The following CUL2 variants were observed in gnomAD, a reference collection of about 807,000 sequenced individuals.
The protein encoded by CUL2 is cullin-2.
A neutral mutation model predicts 110.2 loss-of-function variants in CUL2; 22 were observed. The ratio of observed to expected loss-of-function variants is 0.20; its 90% CI spans 0.14 to 0.28. The LOEUF (loss-of-function observed/expected upper bound fraction) is 0.28, where lower values mean the gene tolerates loss of function less well. CUL2 is among the 10% of genes least tolerant of loss of function. The pLI is 1.00. For synonymous variants in CUL2, 279 were observed against 293.2 expected (o/e 0.95, Z 0.49); for missense variants, 631 against 905.5 (o/e 0.70, Z 3.89).
intron 4 of CUL2, among the ~76,000 whole-genome samples, chr10:35,058,742 C>T (rs563134478): frequency 6.6e-6 from 1 of 152,270 alleles, no homozygotes; most frequent in Non-Finnish European, 1.5e-5. Flanking sequence ...TCACTGCCAC[C>T]ACCCCTCATG....
rs2085472278 is a variant in CUL2 at position 35,031,201 on chromosome 10, T to C, written c.1386+99A>G. The C allele has an allele frequency of 4.1e-6, 3 of 730,428 alleles. No homozygotes were observed. In the East Asian group the frequency reaches 7.7e-5, roughly 19 times the overall value. The allele number at this position is 730,428 out of a possible 1,614,324, so 45.2% of individuals were successfully genotyped here. On this transcript the variant is annotated intron_variant, in intron 14 of 20. Coordinates refer to ENST00000374749, the MANE Select transcript of CUL2 (RefSeq NM_003591.4). This position sits in a 1 kb window ranked among gnomAD's most constrained non-coding sequence, Gnocchi z 4.4. ...CTACACAAATACACATTTAACCAGA[T>C]GAATTGTTTCCTGTTACTGTACACA...
intron 1 of CUL2, among the ~76,000 whole-genome samples, chr10:35,119,159 A>G (rs184812529): frequency 6.6e-6 from 1 of 152,372 alleles, no homozygotes. Context: ...CGAACAAATA[A>G]CATTCAAAGT....
chr10:35,053,301 C>T (rs556679196), intron 5 of CUL2, among the ~76,000 whole-genome samples: 5 of 152,134 alleles, frequency 3.3e-5, no homozygotes, highest in African/African-American at 1.2e-4. Context: ...TGATCTTTTT[C>T]TCTATATCAT....
chr10:35,025,082 T>C (rs1344454923), intron 17 of CUL2, 50 bp downstream of exon 17: 23 of 1,437,034 alleles, frequency 1.6e-5, no homozygotes, highest in Non-Finnish European at 2.1e-5. Context: ...TAAATTAATA[T>C]AATCATCAGG....
intron 2 of CUL2, among the ~76,000 whole-genome samples, chr10:35,097,650 T>C (rs1273442464): frequency 6.6e-6 from 1 of 152,046 alleles, no homozygotes; most frequent in Non-Finnish European, 1.5e-5. Context: ...AAGCCCAGTC[T>C]ATCATGAGAA....
At chr10:35,120,006 A>G (rs2087659075) in intron 1 of CUL2, 1 of 152,262 alleles carries the variant, frequency 6.6e-6, no homozygotes, top group Non-Finnish European at 1.5e-5. Flanking sequence ...CATGGCAAAA[A>G]AACGTTTGGC....
At position 35,038,483 on chromosome 10, in the gene CUL2, G is replaced by A. The variant is rs377489530; in HGVS notation, c.877+437C>T. On this transcript the variant is annotated intron_variant, in intron 9 of 20. Coordinates refer to ENST00000374749, the MANE Select transcript of CUL2 (RefSeq NM_003591.4). ...GGAGGTTGCAGCGAGCCAAGAGCACGCCGCTGCACTCCAGCCTGGGCGACA... is the reference window on the plus strand; with the variant it reads ...GGAGGTTGCAGCGAGCCAAGAGCACACCGCTGCACTCCAGCCTGGGCGACA... Among the ~76,000 whole-genome samples, 7 of 117,284 alleles carry A rather than the reference G, an allele frequency of 6.0e-5. No homozygotes were observed. In the East Asian group the frequency reaches 1.2e-3, roughly 19 times the overall value. 76.9% of individuals were successfully genotyped at this position (117,284 alleles called of 152,430 possible).
At chr10:35,111,240 C>T (rs1170366977) in intron 1 of CUL2, among the ~76,000 whole-genome samples, 1 of 151,890 alleles carries the variant, frequency 6.6e-6, no homozygotes, top group African/African-American at 2.4e-5. Flanking sequence ...AAGAATCACT[C>T]TTCTCTTATG....
chr10:35,099,147 C>A (rs961131813), intron 2 of CUL2, among the ~76,000 whole-genome samples: 1 of 151,904 alleles, frequency 6.6e-6, no homozygotes, highest in South Asian at 2.1e-4. Flanking sequence ...AATCCCAGCA[C>A]TTTGGGAGGC....
intron 5 of CUL2, among the ~76,000 whole-genome samples, chr10:35,051,157 T>C (rs2086094678): frequency 6.7e-6 from 1 of 149,922 alleles, no homozygotes; most frequent in Admixed American, 6.7e-5. Flanking sequence ...CTACTAAAAA[T>C]ACAAAAAATT....
chr10:35,066,682 CTAAT>C (rs1408458117), intron 2 of CUL2, among the ~76,000 whole-genome samples: 15 of 152,304 alleles, frequency 9.8e-5, no homozygotes, highest in African/African-American at 3.1e-4. Flanking sequence ...TAAAAAATGA[CTAAT>C]TAAATCGAAA....
chr10:35,072,720 T>G (rs1278416073), intron 1 of CUL2, among the ~76,000 whole-genome samples: 4 of 152,108 alleles, frequency 2.6e-5, no homozygotes, highest in African/African-American at 9.7e-5. Flanking sequence ...CAAACTGCAT[T>G]TAGGAATTAG....
At chr10:35,121,009 C>T (rs910087073) in intron 1 of CUL2, among the ~76,000 whole-genome samples, 2 of 152,046 alleles carry the variant, frequency 1.3e-5, no homozygotes, top group Non-Finnish European at 2.9e-5. Flanking sequence ...CCTTCATATC[C>T]CTTTCTAAGT....
chr10:35,021,539 T>A (rs1394586103), intron 17 of CUL2, among the ~76,000 whole-genome samples: 1 of 152,024 alleles, frequency 6.6e-6, no homozygotes, highest in African/African-American at 2.4e-5. Context: ...TAATGTCAAT[T>A]TTAATGTATG....
At chr10:35,027,193 A>T (rs545195247) in intron 16 of CUL2, among the ~76,000 whole-genome samples, 84 of 148,440 alleles carry the variant, frequency 5.7e-4, no homozygotes, top group Admixed American at 2.0e-3. Flanking sequence ...CACCCAGGCT[A>T]AAGTGCAGTG....
At chr10:35,032,914 T>C (rs2085513876) in intron 11 of CUL2, among the ~76,000 whole-genome samples, 1 of 152,178 alleles carries the variant, frequency 6.6e-6, no homozygotes, top group Non-Finnish European at 1.5e-5. Flanking sequence ...AAATTATGCA[T>C]GTCTATCCAG....
At chr10:35,080,433 T>TTTTATTTA (rs139166454) in intron 1 of CUL2, among the ~76,000 whole-genome samples, 3,425 of 140,638 alleles carry the variant, frequency 0.024, 62 homozygotes, top group African/African-American at 0.038. Flanking sequence ...GAATTCCTAT[T>TTTTATTTA]TTTATTTATT....
At chr10:35,049,067 G>C (rs1421457330) in intron 6 of CUL2, among the ~76,000 whole-genome samples, 2 of 152,172 alleles carry the variant, frequency 1.3e-5, no homozygotes, top group African/African-American at 2.4e-5. Flanking sequence ...GTGACTGACA[G>C]AGTGCTTCTG....
chr10:35,057,099 T>TA (rs1437940213), intron 4 of CUL2, among the ~76,000 whole-genome samples: 6 of 152,318 alleles, frequency 3.9e-5, no homozygotes, highest in Non-Finnish European at 8.8e-5. Flanking sequence ...TTTACCTACA[T>TA]AATAAGTGTA....
Sources: allele counts gnomAD v4.1 joint callset (sites outside exome capture counted in the v4.1 genomes callset), GRCh38; gene constraint gnomAD v4.1.1; non-coding constraint Gnocchi (gnomAD v3.1); transcripts MANE v1.5; gene names NCBI Gene and HGNC (gene_info 2026-07-23, HGNC 2026-07-21).